MTHFD1L: variants seen among roughly 807,000 people sequenced by gnomAD.
MTHFD1L encodes the protein methylenetetrahydrofolate dehydrogenase (NADP+ dependent) 1 like.
In MTHFD1L, 81 loss-of-function variants were observed where a neutral mutation model predicts 119.5. That is an observed-to-expected ratio of 0.68 (90% confidence interval 0.57 to 0.82). The LOEUF is 0.82. MTHFD1L is among the 40% of genes least tolerant of loss of function. The pLI, the probability that MTHFD1L is intolerant of heterozygous loss-of-function variation, is 0.00. For synonymous variants in MTHFD1L, 430 were observed against 475.2 expected (o/e 0.90, Z 1.24); for missense variants, 1,125 against 1,253.4 (o/e 0.90, Z 1.55).
chr6:150,943,389 G>C (rs1793458842), intron 13 of MTHFD1L, among the ~76,000 whole-genome samples: 1 of 152,148 alleles, frequency 6.6e-6, no homozygotes, highest in South Asian at 2.1e-4. Context: ...CTAGCACTTT[G>C]CGGGGCTGAA....
intron 26 of MTHFD1L, among the ~76,000 whole-genome samples, chr6:151,086,156 C>T (rs1038408981): frequency 5.9e-5 from 9 of 152,144 alleles, no homozygotes; most frequent in Non-Finnish European, 7.3e-5. Context: ...GTAGTTACAG[C>T]GGTGCAGGTT....
intron 19 of MTHFD1L, among the ~76,000 whole-genome samples, chr6:150,967,202 G>T (rs577828713): frequency 1.4e-3 from 218 of 152,300 alleles, no homozygotes; most frequent in Admixed American, 4.0e-3. Flanking sequence ...CACCTCTCCT[G>T]ACTGCCCTTG....
chr6:151,063,342 C>A (rs72992005), intron 26 of MTHFD1L, among the ~76,000 whole-genome samples: 25,369 of 151,912 alleles, frequency 0.17, 2,293 homozygotes, highest in Admixed American at 0.21. Context: ...GTCTCTCTCT[C>A]TATATATATT....
chr6:150,998,320 T>C (rs1375818896), intron 20 of MTHFD1L, among the ~76,000 whole-genome samples: 1 of 152,142 alleles, frequency 6.6e-6, no homozygotes, highest in Non-Finnish European at 1.5e-5. Context: ...CTGTCTGTCT[T>C]AATTTATTCT....
chr6:151,094,092 C>G (rs1584459639), intron 27 of MTHFD1L, among the ~76,000 whole-genome samples: 2 of 152,180 alleles, frequency 1.3e-5, no homozygotes, highest in East Asian at 3.9e-4. Context: ...AGGCTCAGGG[C>G]TGCTTCTCCT....
At chr6:150,894,340 G>A (rs1783854332) in intron 7 of MTHFD1L, among the ~76,000 whole-genome samples, 1 of 152,190 alleles carries the variant, frequency 6.6e-6, no homozygotes, top group Non-Finnish European at 1.5e-5. Context: ...TGCTTCCATT[G>A]TGTGGGTGGG....
chr6:151,014,838 C>A (rs1782783426), intron 22 of MTHFD1L, 42 bp from the exon 23 acceptor site: 15 of 1,527,488 alleles, frequency 9.8e-6, no homozygotes, highest in African/African-American at 1.4e-5. Context: ...TGGTGGGAGA[C>A]AATACACAGG....
intron 26 of MTHFD1L, among the ~76,000 whole-genome samples, chr6:151,090,296 T>G (rs377427879): frequency 2.0e-5 from 3 of 152,240 alleles, no homozygotes; most frequent in South Asian, 4.1e-4. Context: ...CCACCCCCAG[T>G]CTCCCTTTCC....
At chr6:150,925,397 C>T (rs138998497) in intron 10 of MTHFD1L, among the ~76,000 whole-genome samples, 22 of 152,254 alleles carry the variant, frequency 1.4e-4, no homozygotes, top group Admixed American at 3.3e-4. Flanking sequence ...CAGCATTACA[C>T]ATGCTGGTAT....
intron 20 of MTHFD1L, among the ~76,000 whole-genome samples, chr6:150,976,055 G>T (rs1776514483): frequency 6.6e-6 from 1 of 152,062 alleles, no homozygotes; most frequent in South Asian, 2.1e-4. Flanking sequence ...AAAAAATTTA[G>T]CGGGGCTTGG....
intron 20 of MTHFD1L, among the ~76,000 whole-genome samples, chr6:150,992,001 G>A (rs892357963): frequency 1.3e-5 from 2 of 152,208 alleles, no homozygotes; most frequent in Non-Finnish European, 2.9e-5. Flanking sequence ...AAGTCATGGA[G>A]AAGAGTTAGT....
At chr6:151,018,930 A>G (rs1584163659) in intron 24 of MTHFD1L, among the ~76,000 whole-genome samples, 1 of 152,254 alleles carries the variant, frequency 6.6e-6, no homozygotes, top group South Asian at 2.1e-4. Context: ...GTAGAGATCA[A>G]TTGAGGGAGA....
At chr6:150,878,529 A>G (rs112816353) in intron 4 of MTHFD1L, among the ~76,000 whole-genome samples, 231 of 152,238 alleles carry the variant, frequency 1.5e-3, no homozygotes, top group African/African-American at 5.1e-3. Context: ...TGGGATTACA[A>G]GTGTGAGCTA....
chr6:150,965,664 A>AC (rs5880906), intron 19 of MTHFD1L, among the ~76,000 whole-genome samples: 1,703 of 126,530 alleles, frequency 0.013, 18 homozygotes, highest in South Asian at 0.047. Flanking sequence ...CCGTCTGAAA[A>AC]AAAAAAAAAG....
At chr6:150,868,146 G>T (rs1204076387) in intron 1 of MTHFD1L, among the ~76,000 whole-genome samples, 1 of 152,056 alleles carries the variant, frequency 6.6e-6, no homozygotes, top group Non-Finnish European at 1.5e-5. Flanking sequence ...CCTTAGAGAT[G>T]AGTAAAGAGG....
At chr6:150,907,403 G>A (rs1164560255) in intron 8 of MTHFD1L, among the ~76,000 whole-genome samples, 1 of 152,186 alleles carries the variant, frequency 6.6e-6, no homozygotes, top group Non-Finnish European at 1.5e-5. Context: ...CGTTACAGAT[G>A]TTCCTCGACT....
intron 6 of MTHFD1L, among the ~76,000 whole-genome samples, chr6:150,886,435 C>CA (rs996165446): frequency 0.025 from 1,767 of 69,304 alleles, 34 homozygotes; most frequent in African/African-American, 0.052. Context: ...GACCCTGCCT[C>CA]AAAAAAAAAA....
chr6:150,959,407 C>T (rs958285510), intron 17 of MTHFD1L, among the ~76,000 whole-genome samples: 3 of 152,188 alleles, frequency 2.0e-5, no homozygotes, highest in African/African-American at 7.2e-5. Context: ...AGAAACATTC[C>T]TAGTGGCTGA....
chr6:151,020,498 CTT>C (rs1305035), intron 24 of MTHFD1L, among the ~76,000 whole-genome samples: 12,859 of 152,254 alleles, frequency 0.084, 583 homozygotes, highest in South Asian at 0.1. Context: ...TTTGGCATCT[CTT>C]TTTGCCAGAG....
Sources: gnomAD v4.1 joint callset for allele counts (sites outside exome capture counted in the v4.1 genomes callset) on GRCh38, gnomAD v4.1.1 for gene constraint, MANE v1.5 for transcripts, NCBI Gene and HGNC (gene_info 2026-07-23, HGNC 2026-07-21) for gene names.